Variants in LARGE1 observed in about 807,000 individuals in gnomAD.
The protein encoded by LARGE1 is LARGE xylosyl- and glucuronyltransferase 1.
LARGE1 carries 43 observed loss-of-function variants against 87.6 expected under a neutral mutation model. That is an observed-to-expected ratio of 0.49 (90% CI 0.38 to 0.63). LARGE1 has a LOEUF of 0.63. Ranked by LOEUF, LARGE1 falls within the 30% of genes least tolerant of loss-of-function variation. The pLI, the probability that LARGE1 is intolerant of heterozygous loss-of-function variation, is 0.00. For synonymous variants in LARGE1, 434 were observed against 394.6 expected (o/e 1.10, Z -1.18); for missense variants, 802 against 1,000.2 (o/e 0.80, Z 2.67).
intron 9 of LARGE1, among the ~76,000 whole-genome samples, chr22:33,345,329 C>T (rs974589454): frequency 1.3e-5 from 2 of 152,202 alleles, no homozygotes; most frequent in Admixed American, 6.5e-5. Context: ...TTCTGTGTCC[C>T]TTATTTCTCC....
Position 33,352,054 on chromosome 22 carries a change from T to C in LARGE1, c.1132-14253A>G, listed in dbSNP as rs79061404. Among the ~76,000 whole-genome samples, 706 of 152,236 alleles carry C rather than the reference T, an allele frequency of 4.6e-3. 4 individuals carry two copies. The highest frequency in any genetic ancestry group is 0.016 in the African/African-American group (681 of 41,552). ...GGCCTGGCAAAAATTAGTAACTTTA[T>C]AGTGGAGAAACCTAGCAAACATTGC... On this transcript the variant is annotated intron_variant, in intron 9 of 14. Transcript: ENST00000397394.
intron 7 of LARGE1, among the ~76,000 whole-genome samples, chr22:33,420,481 T>C (rs763278175): frequency 1.4e-4 from 22 of 152,152 alleles, no homozygotes; most frequent in Non-Finnish European, 3.1e-4. Flanking sequence ...CGGAATAGCA[T>C]GGAGGCTGTA....
intron 5 of LARGE1, among the ~76,000 whole-genome samples, chr22:33,586,678 C>T (rs937559064): frequency 9.9e-5 from 15 of 151,974 alleles, no homozygotes; most frequent in Admixed American, 5.2e-4. Context: ...AGGATGGTCT[C>T]GATCTCCTGA....
At chr22:33,671,131 C>T (rs981024596) in intron 2 of LARGE1, among the ~76,000 whole-genome samples, 5 of 152,148 alleles carry the variant, frequency 3.3e-5, no homozygotes, top group Non-Finnish European at 7.4e-5. Flanking sequence ...AGAGGGCCTT[C>T]TAGGCACACC....
the LARGE1 span, among the ~76,000 whole-genome samples, chr22:33,083,682 G>A: frequency 3.3e-5 from 5 of 152,142 alleles, no homozygotes; most frequent in Admixed American, 6.5e-5. Context: ...TTGTGAGTTC[G>A]AAGTGTGTTG....
intron 7 of LARGE1, among the ~76,000 whole-genome samples, chr22:33,415,834 G>T (rs1015585942): frequency 6.6e-6 from 1 of 152,146 alleles, no homozygotes; most frequent in African/African-American, 2.4e-5. Context: ...GGTGGGTGAG[G>T]GCGGTTTCTC....
At chr22:33,884,129 C>T (rs952280964) in intron 1 of LARGE1, among the ~76,000 whole-genome samples, 2 of 152,210 alleles carry the variant, frequency 1.3e-5, no homozygotes, top group Non-Finnish European at 2.9e-5. Flanking sequence ...TCTCTGCCCA[C>T]CAACCACACC....
intron 3 of LARGE1, among the ~76,000 whole-genome samples, chr22:33,637,635 C>A (rs1240765362): frequency 6.6e-6 from 1 of 152,154 alleles, no homozygotes; most frequent in East Asian, 1.9e-4. Context: ...CTGGGAAAAG[C>A]TAGCTGATAT....
intron 4 of LARGE1, among the ~76,000 whole-genome samples, chr22:33,608,145 G>A (rs185796346): frequency 1.3e-5 from 2 of 152,278 alleles, no homozygotes; most frequent in East Asian, 3.9e-4. Context: ...TGCCATAATG[G>A]ATTCTTATTA....
At chr22:33,523,416 A>G (rs962762508) in intron 6 of LARGE1, among the ~76,000 whole-genome samples, 3 of 152,104 alleles carry the variant, frequency 2.0e-5, no homozygotes, top group South Asian at 2.1e-4. Context: ...TCCTCTGTGA[A>G]CTGTGTGTTG....
chr22:33,822,616 T>C lies in LARGE1; in HGVS notation c.-82-61058A>G, dbSNP rs950357231. ...GGGAGGCTGAGGCAAGAGAATGACTTGAGCCCAGGAGGCGGAGGTTGCAGT... is the reference window on the plus strand; with the variant it reads ...GGGAGGCTGAGGCAAGAGAATGACTCGAGCCCAGGAGGCGGAGGTTGCAGT... On this transcript the variant is annotated intron_variant, in intron 1 of 14. Coordinates refer to ENST00000397394, the MANE Select transcript of LARGE1 (RefSeq NM_133642.5). Among the ~76,000 whole-genome samples, 4 of 152,228 alleles carry C rather than the reference T, an allele frequency of 2.6e-5. No homozygotes were observed. The East Asian group carries it at 7.7e-4, about 29-fold the overall frequency.
chr22:33,640,497 TCAACATGG>T (rs1191329421), intron 3 of LARGE1, among the ~76,000 whole-genome samples: 2 of 151,930 alleles, frequency 1.3e-5, no homozygotes, highest in African/African-American at 2.4e-5. Context: ...ATACCGAAAG[TCAACATGG>T]CAGTTCAGGC....
intron 11 of LARGE1, among the ~76,000 whole-genome samples, chr22:33,187,002 T>C (rs568452426): frequency 3.9e-5 from 6 of 152,222 alleles, no homozygotes; most frequent in Non-Finnish European, 8.8e-5. Flanking sequence ...CAGAAATAGA[T>C]GCATGCTTCT....
intron 10 of LARGE1, among the ~76,000 whole-genome samples, chr22:33,336,400 A>G (rs1408335762): frequency 6.6e-6 from 1 of 152,046 alleles, no homozygotes; most frequent in Non-Finnish European, 1.5e-5. Context: ...GGGTTTCACC[A>G]TGTTAGCCAG....
intron 1 of LARGE1, among the ~76,000 whole-genome samples, chr22:33,910,192 G>A (rs2065589906): frequency 6.6e-6 from 1 of 152,152 alleles, no homozygotes; most frequent in Admixed American, 6.5e-5. Context: ...TGTCCCTCGA[G>A]GGCAGGGACA....
intron 7 of LARGE1, among the ~76,000 whole-genome samples, chr22:33,417,690 G>T (rs2066547878): frequency 6.6e-6 from 1 of 152,174 alleles, no homozygotes; most frequent in South Asian, 2.1e-4. Flanking sequence ...CAGGGCTCTT[G>T]CCCGGGGCTC....
At chr22:33,438,403 A>G (rs967528015) in intron 6 of LARGE1, among the ~76,000 whole-genome samples, 1 of 152,230 alleles carries the variant, frequency 6.6e-6, no homozygotes, top group Non-Finnish European at 1.5e-5. Context: ...GTTATGATTA[A>G]GTGCGCTGTT....
At chr22:33,775,676 A>AC (rs1000994249) in intron 1 of LARGE1, among the ~76,000 whole-genome samples, 130 of 151,972 alleles carry the variant, frequency 8.6e-4, no homozygotes, top group African/African-American at 2.8e-3. Flanking sequence ...ACATGGTGAA[A>AC]CCCCATCTCT....
intron 7 of LARGE1, among the ~76,000 whole-genome samples, chr22:33,416,905 A>ATTTTTTTTTTTTTTTT (rs1569145162): frequency 5.7e-5 from 3 of 52,210 alleles, no homozygotes; most frequent in African/African-American, 3.2e-4. Context: ...CCACGCCCGG[A>ATTTTTTTTTTTTTTTT]CTTTTTTTTT....
Sources: gnomAD v4.1 joint callset for allele counts (sites outside exome capture counted in the v4.1 genomes callset) on GRCh38, gnomAD v4.1.1 for gene constraint, MANE v1.5 for transcripts, NCBI Gene and HGNC (gene_info 2026-07-23, HGNC 2026-07-21) for gene names.